Variants in EML4 observed in about 807,000 individuals in gnomAD.
EML4 encodes the protein EMAP like 4, also known as echinoderm microtubule-associated protein-like 4.
In EML4, 72 loss-of-function variants were observed where a neutral mutation model predicts 129.0. The observed-to-expected ratio is 0.56, with a 90% confidence interval of 0.46 to 0.68. EML4 has a LOEUF of 0.68. Ranked by LOEUF, EML4 falls within the 30% of genes least tolerant of loss-of-function variation. The pLI is 0.00. For missense variants in EML4, 1,363 were observed against 1,190.6 expected (o/e 1.14, Z -2.13); for synonymous variants, 532 against 405.0 (o/e 1.31, Z -3.77).
chr2:42,188,977 A>G (rs1217995706), intron 1 of EML4, among the ~76,000 whole-genome samples: 1 of 152,192 alleles, frequency 6.6e-6, no homozygotes, highest in Non-Finnish European at 1.5e-5. Flanking sequence ...TAAAAAGAGC[A>G]TGGACTTTTT....
intron 1 of EML4, among the ~76,000 whole-genome samples, chr2:42,184,318 T>A (rs561965707): frequency 6.6e-6 from 1 of 152,192 alleles, no homozygotes; most frequent in Non-Finnish European, 1.5e-5. Context: ...TGTGCCATGT[T>A]GGTGTGCTGC....
intron 11 of EML4, among the ~76,000 whole-genome samples, chr2:42,291,918 C>A (rs1438282232): frequency 6.6e-6 from 1 of 152,100 alleles, no homozygotes; most frequent in Admixed American, 6.6e-5. Context: ...CAAAGAAATT[C>A]AAATTAAAAC....
intron 1 of EML4, among the ~76,000 whole-genome samples, chr2:42,237,622 T>C (rs1674758385): frequency 6.6e-6 from 1 of 152,212 alleles, no homozygotes; most frequent in African/African-American, 2.4e-5. Context: ...ACCTGACTAC[T>C]GATAGCCTAC....
At chr2:42,292,776 A>G (rs959195277) in intron 11 of EML4, among the ~76,000 whole-genome samples, 1 of 152,206 alleles carries the variant, frequency 6.6e-6, no homozygotes, top group Non-Finnish European at 1.5e-5. Context: ...ATATATCAAT[A>G]AAAAGTTAAA....
intron 1 of EML4, among the ~76,000 whole-genome samples, chr2:42,235,251 G>A (rs1047041806): frequency 2.0e-5 from 3 of 149,864 alleles, no homozygotes; most frequent in South Asian, 2.1e-4. Flanking sequence ...AGCCGAGATC[G>A]CACCACCGCA....
intron 1 of EML4, among the ~76,000 whole-genome samples, chr2:42,214,743 A>G (rs1673082101): frequency 6.6e-6 from 1 of 152,160 alleles, no homozygotes; most frequent in Non-Finnish European, 1.5e-5. Flanking sequence ...CTGGAAGGCT[A>G]GGCTTAGCTG....
chr2:42,229,412 A>G (rs1674180057), intron 1 of EML4, among the ~76,000 whole-genome samples: 1 of 152,152 alleles, frequency 6.6e-6, no homozygotes, highest in South Asian at 2.1e-4. Flanking sequence ...CTGTGCTCTT[A>G]AGCACCATAT....
intron 1 of EML4, among the ~76,000 whole-genome samples, chr2:42,179,903 A>G (rs1670831573): frequency 6.6e-6 from 1 of 152,122 alleles, no homozygotes; most frequent in Non-Finnish European, 1.5e-5. Context: ...ACCCGGCCAT[A>G]TGTGTTTTAT....
At position 42,234,696 on chromosome 2, in the gene EML4, T is replaced by C. The variant is rs114045668; in HGVS notation, c.26-10809T>C. On this transcript the variant is annotated intron_variant, in intron 1 of 22. Transcript: ENST00000318522. ...CCTGTTGAGAGGACAGGGTGGGTTT[T>C]GCTCAGCTTGTTCTTGTTCTCTGTG... Among the ~76,000 whole-genome samples the C allele has an allele frequency of 5.1e-3, 784 of 152,380 alleles. 5 individuals carry two copies. The highest frequency in any genetic ancestry group is 0.011 in the South Asian group (53 of 4,830).
intron 19 of EML4, chr2:42,319,813 C>G (rs929668995): frequency 6.6e-6 from 1 of 152,146 alleles, no homozygotes; most frequent in African/African-American, 2.4e-5. Context: ...AATACAAATG[C>G]TATTTTCTGT....
At chr2:42,218,342 A>G (rs991308515) in intron 1 of EML4, among the ~76,000 whole-genome samples, 6 of 152,056 alleles carry the variant, frequency 3.9e-5, no homozygotes, top group Non-Finnish European at 8.8e-5. Context: ...CACTGATTCT[A>G]CATTATAGTG....
intron 17 of EML4, among the ~76,000 whole-genome samples, chr2:42,315,552 G>A (rs1272771029): frequency 6.6e-6 from 1 of 152,126 alleles, no homozygotes; most frequent in Admixed American, 6.5e-5. Flanking sequence ...CATACTTAAG[G>A]ACCATTATTA....
intron 8 of EML4, among the ~76,000 whole-genome samples, chr2:42,283,437 T>C (rs896470165): frequency 1.3e-5 from 2 of 152,100 alleles, no homozygotes; most frequent in Admixed American, 1.3e-4. Flanking sequence ...ATACTACAAA[T>C]GTGAGAACTC....
At chr2:42,182,756 A>G (rs1007949357) in intron 1 of EML4, among the ~76,000 whole-genome samples, 1 of 152,192 alleles carries the variant, frequency 6.6e-6, no homozygotes, top group Non-Finnish European at 1.5e-5. Flanking sequence ...TTTAAACAAC[A>G]TAAACATATT....
intron 1 of EML4, among the ~76,000 whole-genome samples, chr2:42,214,661 C>T (rs1673077540): frequency 6.6e-6 from 1 of 152,060 alleles, no homozygotes; most frequent in Admixed American, 6.6e-5. Context: ...TCTTCTTTTC[C>T]ACTAAGGATA....
chr2:42,280,290 C>CA (rs2104457502), intron 6 of EML4, among the ~76,000 whole-genome samples: 2 of 152,226 alleles, frequency 1.3e-5, no homozygotes, highest in South Asian at 4.1e-4. Context: ...TTTTAATTAT[C>CA]AAAAAATTAT....
chr2:42,317,543 C>G lies in EML4; in HGVS notation c.2154+19C>G, dbSNP rs753921220. 3.9e-6 allele frequency: 6 copies of G among 1,529,506 alleles called. No homozygotes were observed. Among genetic ancestry groups the G allele is most frequent in the African/African-American group, 1.4e-5 (1 of 71,898 alleles). 94.7% of individuals were successfully genotyped at this position (1,529,506 alleles called of 1,614,324 possible). A position where few individuals can be genotyped will look rare whatever the true frequency, so the allele number is the denominator to read the frequency against. On this transcript the variant is annotated intron_variant, in intron 19 of 22. Transcript: ENST00000318522. ...GTGCACTGTAAGTAGTGAAGTAGAACAAGTTGTAAAATTATTGGGAAATTT... is the reference window on the plus strand; with the variant it reads ...GTGCACTGTAAGTAGTGAAGTAGAAGAAGTTGTAAAATTATTGGGAAATTT...
intron 1 of EML4, among the ~76,000 whole-genome samples, chr2:42,197,979 A>G (rs937504575): frequency 1.3e-5 from 2 of 152,162 alleles, no homozygotes; most frequent in African/African-American, 4.8e-5. Context: ...GGCACCTGCA[A>G]TTACTAGTTT....
chr2:42,241,120 G>A (rs907607054), intron 1 of EML4, among the ~76,000 whole-genome samples: 4 of 151,770 alleles, frequency 2.6e-5, no homozygotes, highest in Admixed American at 2.6e-4. Flanking sequence ...TTGCACCACT[G>A]CACTCCAGCC....
Sources: gnomAD v4.1 joint callset for allele counts (sites outside exome capture counted in the v4.1 genomes callset) on GRCh38, gnomAD v4.1.1 for gene constraint, MANE v1.5 for transcripts, NCBI Gene and HGNC (gene_info 2026-07-23, HGNC 2026-07-21) for gene names.